Variants in GLT1D1 observed in about 807,000 individuals in gnomAD.
The protein encoded by GLT1D1 is glycosyltransferase 1 domain containing 1.
GLT1D1 carries 21 observed loss-of-function variants against 28.7 expected under a neutral mutation model. That is an observed-to-expected ratio of 0.73 (90% confidence interval 0.52 to 1.05). GLT1D1 has a LOEUF of 1.05. GLT1D1 is among the 50% of genes least tolerant of loss of function. The probability of loss-of-function intolerance (pLI) is 0.00; values close to 1 mark genes in which losing one functional copy is unlikely to be tolerated. For synonymous variants in GLT1D1, 147 were observed against 124.8 expected (o/e 1.18, Z -1.19); for missense variants, 343 against 330.6 (o/e 1.04, Z -0.29).
At chr12:128,901,903 A>T (rs1254051636) in intron 4 of GLT1D1, among the ~76,000 whole-genome samples, 1 of 151,550 alleles carries the variant, frequency 6.6e-6, no homozygotes, top group East Asian at 1.9e-4. Flanking sequence ...ATGAGCCACT[A>T]TGTGTGGCCA....
At chr12:128,945,050 C>T in intron 4 of GLT1D1, 1 of 643,060 alleles carries the variant, frequency 1.6e-6, no homozygotes, top group Non-Finnish European at 2.8e-6. Context: ...TGTAACAGGC[C>T]AATTTCTGCG....
chr12:128,937,059 C>A (rs1874638802), intron 4 of GLT1D1, among the ~76,000 whole-genome samples: 6 of 152,230 alleles, frequency 3.9e-5, no homozygotes, highest in Admixed American at 2.6e-4. Context: ...AATTTGATTT[C>A]TTTCCTTGAT....
chr12:128,946,116 C>G (rs980147678), intron 5 of GLT1D1, among the ~76,000 whole-genome samples: 1 of 152,060 alleles, frequency 6.6e-6, no homozygotes. Context: ...TAGGTGCAGA[C>G]GCGTGTGTGC....
At chr12:128,867,883 AAAG>A (rs1460554306) in intron 1 of GLT1D1, among the ~76,000 whole-genome samples, 1 of 152,232 alleles carries the variant, frequency 6.6e-6, no homozygotes, top group African/African-American at 2.4e-5. Context: ...CGAGGAGGCC[AAAG>A]GACTCATAAT....
At chr12:128,882,770 T>TGGAATGGAA (rs1413414195) in intron 2 of GLT1D1, among the ~76,000 whole-genome samples, 27 of 152,266 alleles carry the variant, frequency 1.8e-4, no homozygotes, top group African/African-American at 5.8e-4. Flanking sequence ...TTAACTTAGA[T>TGGAATGGAA]GGAATGGAAC....
intron 4 of GLT1D1, among the ~76,000 whole-genome samples, chr12:128,932,665 C>T (rs1470526898): frequency 6.6e-6 from 1 of 152,140 alleles, no homozygotes; most frequent in African/African-American, 2.4e-5. Context: ...CACGCAGCCC[C>T]GAGCTGTCCT....
At chr12:128,904,834 A>G (rs1274211972) in intron 4 of GLT1D1, among the ~76,000 whole-genome samples, 1 of 151,900 alleles carries the variant, frequency 6.6e-6, no homozygotes, top group Admixed American at 6.6e-5. Flanking sequence ...GGGTTTCACC[A>G]TGTTGGCCAG....
intron 6 of GLT1D1, among the ~76,000 whole-genome samples, chr12:128,955,901 T>TG (rs1877222667): frequency 6.6e-6 from 1 of 151,858 alleles, no homozygotes. Context: ...GGGACACAGA[T>TG]GCTCCTCGAG....
At chr12:128,885,073 T>G (rs1288704497) in intron 2 of GLT1D1, among the ~76,000 whole-genome samples, 4 of 151,936 alleles carry the variant, frequency 2.6e-5, no homozygotes, top group African/African-American at 9.7e-5. Context: ...TTGATTTAGC[T>G]ATTCCACAAT....
intron 7 of GLT1D1, among the ~76,000 whole-genome samples, chr12:128,960,036 C>G (rs137966462): frequency 3.5e-4 from 54 of 152,154 alleles, no homozygotes; most frequent in Non-Finnish European, 5.0e-4. Context: ...TTAATGTCTG[C>G]AAATCATTAT....
intron 4 of GLT1D1, among the ~76,000 whole-genome samples, chr12:128,922,551 G>A (rs1291257983): frequency 6.6e-6 from 1 of 152,154 alleles, no homozygotes; most frequent in Non-Finnish European, 1.5e-5. Flanking sequence ...TCTGCATGTA[G>A]CGTCTAGCTT....
At chr12:128,899,797 C>G (rs1170590411) in intron 4 of GLT1D1, among the ~76,000 whole-genome samples, 1 of 152,080 alleles carries the variant, frequency 6.6e-6, no homozygotes, top group Non-Finnish European at 1.5e-5. Flanking sequence ...AATGATCTGC[C>G]CGCCTCAGCA....
intron 4 of GLT1D1, among the ~76,000 whole-genome samples, chr12:128,939,860 T>A (rs2135477084): frequency 1.1e-5 from 1 of 87,116 alleles, no homozygotes; most frequent in Admixed American, 1.4e-4. Context: ...GCCGATCCAA[T>A]CACCTCCTAC....
chr12:128,935,039 G>C (rs146829361), intron 4 of GLT1D1, among the ~76,000 whole-genome samples: 1 of 152,104 alleles, frequency 6.6e-6, no homozygotes, highest in African/African-American at 2.4e-5. Context: ...AATTGTCCCC[G>C]CCTGGGTCAT....
intron 4 of GLT1D1, among the ~76,000 whole-genome samples, chr12:128,938,188 T>C (rs1210185024): frequency 1.3e-5 from 2 of 152,186 alleles, no homozygotes; most frequent in African/African-American, 4.8e-5. Flanking sequence ...CTTCAGTGTC[T>C]TCATTTGTAA....
At chr12:128,941,569 CTTTT>C (rs550204231) in intron 4 of GLT1D1, among the ~76,000 whole-genome samples, 2 of 107,554 alleles carry the variant, frequency 1.9e-5, no homozygotes, top group African/African-American at 4.0e-5. Flanking sequence ...CTCTCTTTCT[CTTTT>C]TTTTTTTTTT....
chr12:128,886,512 G>C (rs979940039), intron 2 of GLT1D1, among the ~76,000 whole-genome samples: 2 of 152,160 alleles, frequency 1.3e-5, no homozygotes, highest in African/African-American at 4.8e-5. Flanking sequence ...GGTGTCAGCA[G>C]CTGCGCTTCT....
chr12:128,960,837 G>T (rs1448265629), intron 7 of GLT1D1, among the ~76,000 whole-genome samples: 1 of 152,152 alleles, frequency 6.6e-6, no homozygotes, highest in Admixed American at 6.5e-5. Context: ...GAATGTCCAT[G>T]TCAGAGCGTC....
At chr12:128,956,171 A>AAAAAAAG (rs374597920) in intron 6 of GLT1D1, among the ~76,000 whole-genome samples, 2 of 63,986 alleles carry the variant, frequency 3.1e-5, no homozygotes, top group Non-Finnish European at 7.1e-5. Context: ...AAAAAAAAAA[A>AAAAAAAG]AGAGAAAGAG....
Sources: allele counts gnomAD v4.1 joint callset (sites outside exome capture counted in the v4.1 genomes callset), GRCh38; gene constraint gnomAD v4.1.1; transcripts MANE v1.5; gene names NCBI Gene and HGNC (gene_info 2026-07-23, HGNC 2026-07-21).